VAV2: variants seen among roughly 807,000 people sequenced by gnomAD.
VAV2 encodes the protein guanine nucleotide exchange factor VAV2.
A neutral mutation model predicts 132.5 loss-of-function variants in VAV2; 67 were observed. The ratio of observed to expected loss-of-function variants is 0.51; its 90% confidence interval spans 0.42 to 0.62. The LOEUF (loss-of-function observed/expected upper bound fraction) is 0.62, where lower values mean the gene tolerates loss of function less well. Ranked by LOEUF, VAV2 falls within the 20% of genes least tolerant of loss-of-function variation. The pLI is 0.00. For missense variants in VAV2, 938 were observed against 1,153.6 expected (o/e 0.81, Z 2.71); for synonymous variants, 492 against 443.5 (o/e 1.11, Z -1.37).
At chr9:133,777,067 G>C (rs373612630) in intron 23 of VAV2, among the ~76,000 whole-genome samples, 2 of 152,142 alleles carry the variant, frequency 1.3e-5, no homozygotes, top group African/African-American at 4.8e-5. Flanking sequence ...AGATCTTATA[G>C]AGTCCCCGAA....
intron 1 of VAV2, among the ~76,000 whole-genome samples, chr9:133,945,450 A>G (rs551870463): frequency 4.1e-4 from 62 of 152,338 alleles, no homozygotes; most frequent in Middle Eastern, 6.8e-3. Flanking sequence ...TTCACAGCCC[A>G]CTAGCACTTT....
At chr9:133,904,730 A>G (rs1283812276) in intron 2 of VAV2, among the ~76,000 whole-genome samples, 3 of 152,234 alleles carry the variant, frequency 2.0e-5, no homozygotes, top group South Asian at 4.1e-4. Flanking sequence ...TTCTCAATGC[A>G]CCACTACTGT....
At position 133,785,836 on chromosome 9, in the gene VAV2, T is replaced by C; in HGVS notation, c.1472A>G (p.Gln491Arg). ...CATATCTTCTGTTTTGCAGAAAAAC[T>C]GGAAGCCCTGCTTTCCTTGAAGGTG... ...LIHLQGKQGF[Q>R]FFCKTEDMKR... Residue 491 changes from glutamine (Q) to arginine (R), a missense_variant, in exon 17 of 30, where the codon CAG (glutamine) becomes CGG (arginine). Gln to Arg is a conservative substitution (Grantham distance 43, BLOSUM62 1). Transcript: ENST00000371850. 1 of 1,614,068 alleles carries C rather than the reference T, an allele frequency of 6.2e-7. No individual in the cohort carries two copies. The highest frequency in any genetic ancestry group is 8.5e-7 in the Non-Finnish European group (1 of 1,180,014).
rs1838594532 is a variant in VAV2, at chr9:133,883,809, G to C, written c.322-22377C>G. ...CAAGTACACCCCAAAACTCACACTT[G>C]AGGTCCACAGGTGACTAGCAACTTT... On this transcript the variant is annotated intron_variant, in intron 2 of 29. Coordinates refer to ENST00000371850, the MANE Select transcript of VAV2 (RefSeq NM_001134398.2). The surrounding 1 kb of genome is among the most constrained non-coding windows in gnomAD (Gnocchi z 4.2). 6.6e-6 allele frequency among the ~76,000 whole-genome samples: 1 copy of C among 152,174 alleles called. No individual in the cohort carries two copies. Among genetic ancestry groups the C allele is most frequent in the Non-Finnish European group, 1.5e-5 (1 of 68,028 alleles).
intron 3 of VAV2, among the ~76,000 whole-genome samples, chr9:133,844,569 C>G (rs1371984053): frequency 6.6e-6 from 1 of 152,252 alleles, no homozygotes; most frequent in African/African-American, 2.4e-5. Flanking sequence ...GCTGCCAGGT[C>G]AGGCCTCTGT....
chr9:133,957,747 C>A (rs1466501837), intron 1 of VAV2, among the ~76,000 whole-genome samples: 1 of 152,114 alleles, frequency 6.6e-6, no homozygotes, highest in Admixed American at 6.5e-5. Context: ...AGCCTATGGC[C>A]AAGATGAGCT....
intron 29 of VAV2, 25 bp from the exon 30 acceptor site, chr9:133,764,134 C>A: frequency 6.4e-7 from 1 of 1,554,938 alleles, no homozygotes. Flanking sequence ...AAGATCGTGT[C>A]TGTGTGTGTG....
chr9:133,777,608 C>G (rs1008492993), intron 22 of VAV2, 145 bp from the exon 23 acceptor site: 3 of 784,182 alleles, frequency 3.8e-6, no homozygotes, highest in Non-Finnish European at 6.2e-6. Context: ...TCAGCTGACC[C>G]GGCAGCCAGT....
intron 1 of VAV2, among the ~76,000 whole-genome samples, chr9:133,940,692 T>C (rs111489559): frequency 0.39 from 57,889 of 149,332 alleles, 11,252 homozygotes; most frequent in South Asian, 0.42. Context: ...TGTGTGTGTG[T>C]GTGTGTGTGT....
In VAV2 at chr9:133,769,640, G is replaced by A. The variant is rs1833550660; in HGVS notation, c.2348-137C>T. On this transcript the variant is annotated intron_variant, in intron 27 of 29. Transcript: ENST00000371850. The surrounding 1 kb of genome is among the most constrained non-coding windows in gnomAD (Gnocchi z 8.1). ...AGAGGCCCTACAGGGGGGCAAAGGA[G>A]GCAGGGGGCAGCACGGGTTGTCAAG... 2.2e-6 allele frequency: 2 copies of A among 892,758 alleles called. No individual in the cohort carries two copies. Among genetic ancestry groups the A allele is most frequent in the Non-Finnish European group, 3.4e-6 (2 of 585,640 alleles). The allele number at this position is 892,758 out of a possible 1,614,324, so 55.3% of individuals were successfully genotyped here. A position where few individuals can be genotyped will look rare whatever the true frequency, so the allele number is the denominator to read the frequency against.
At chr9:133,781,021 C>T (rs181205263) in intron 19 of VAV2, among the ~76,000 whole-genome samples, 47 of 152,316 alleles carry the variant, frequency 3.1e-4, no homozygotes, top group Non-Finnish European at 4.3e-4. Context: ...TTTTGAATGG[C>T]GGCAGCTGCC....
At chr9:133,980,761 T>C (rs549340337) in intron 1 of VAV2, among the ~76,000 whole-genome samples, 1 of 152,298 alleles carries the variant, frequency 6.6e-6, no homozygotes, top group Admixed American at 6.5e-5. Flanking sequence ...GCATGCAGCT[T>C]CCTCTGCCCC....
At chr9:133,920,233 G>A (rs1049550238) in intron 2 of VAV2, among the ~76,000 whole-genome samples, 1 of 152,240 alleles carries the variant, frequency 6.6e-6, no homozygotes, top group Non-Finnish European at 1.5e-5. Flanking sequence ...CAAGGGCCAG[G>A]AGAGAGAGTC....
chr9:133,986,486 C>T (rs1044990884), intron 1 of VAV2, among the ~76,000 whole-genome samples: 6 of 152,128 alleles, frequency 3.9e-5, no homozygotes, highest in South Asian at 2.1e-4. Flanking sequence ...GGACGGGTCA[C>T]GGATTGCTGC....
intron 3 of VAV2, among the ~76,000 whole-genome samples, chr9:133,837,478 C>T (rs775837789): frequency 2.6e-5 from 4 of 152,080 alleles, no homozygotes; most frequent in Non-Finnish European, 4.4e-5. Flanking sequence ...GGGCGGATCA[C>T]CTGAGGTCAG....
chr9:133,931,695 T>C (rs629046), intron 2 of VAV2, among the ~76,000 whole-genome samples: 59,198 of 152,084 alleles, frequency 0.39, 12,332 homozygotes, highest in East Asian at 0.62. Context: ...TGTGACCCGG[T>C]GCCCAGGAGG....
intron 2 of VAV2, 49 bp from the exon 3 acceptor site, chr9:133,861,481 A>G: frequency 6.2e-7 from 1 of 1,602,068 alleles, no homozygotes; most frequent in Non-Finnish European, 8.5e-7. Flanking sequence ...AGAAACCAGA[A>G]AGGCATCACA....
intron 2 of VAV2, among the ~76,000 whole-genome samples, chr9:133,924,149 A>C (rs545502951): frequency 6.6e-6 from 1 of 152,338 alleles, no homozygotes; most frequent in African/African-American, 2.4e-5. Context: ...TTTTTAAAAA[A>C]AGAATTCAAA....
intron 1 of VAV2, among the ~76,000 whole-genome samples, chr9:133,971,820 C>T (rs986174059): frequency 6.6e-6 from 1 of 152,128 alleles, no homozygotes; most frequent in African/African-American, 2.4e-5. Flanking sequence ...GCCAGGGCTT[C>T]CCCCAACAGA....
Sources: allele counts gnomAD v4.1 joint callset (sites outside exome capture counted in the v4.1 genomes callset), GRCh38; gene constraint gnomAD v4.1.1; non-coding constraint Gnocchi (gnomAD v3.1); transcripts MANE v1.5; gene names NCBI Gene and HGNC (gene_info 2026-07-23, HGNC 2026-07-21).